The following TMEM131L variants were observed in gnomAD, a reference collection of about 807,000 sequenced individuals.
The protein encoded by TMEM131L is transmembrane protein 131-like.
In TMEM131L, 54 loss-of-function variants were observed where a neutral mutation model predicts 192.2. That is an observed-to-expected ratio of 0.28 (90% CI 0.23 to 0.35). TMEM131L has a LOEUF of 0.35. Among genes scored for constraint, TMEM131L ranks in the 10% least tolerant of loss-of-function variants. The pLI is 1.00. For synonymous variants in TMEM131L, 701 were observed against 704.9 expected (o/e 0.99, Z 0.09); for missense variants, 1,888 against 1,972.9 (o/e 0.96, Z 0.82).
chr4:153,521,888 ATGT>A (rs968703989), intron 3 of TMEM131L, among the ~76,000 whole-genome samples: 4 of 144,174 alleles, frequency 2.8e-5, no homozygotes, highest in Non-Finnish European at 4.5e-5. Context: ...TGTTAACATC[ATGT>A]TGTTATTACA....
chr4:153,633,108 A>G (rs542991347), intron 32 of TMEM131L: 339 of 303,802 alleles, frequency 1.1e-3, no homozygotes, highest in Admixed American at 2.5e-3. Context: ...CATATATTAG[A>G]GGCAGATTTG....
At chr4:153,536,097 T>G (rs1019369605) in intron 3 of TMEM131L, among the ~76,000 whole-genome samples, 4 of 152,172 alleles carry the variant, frequency 2.6e-5, no homozygotes, top group African/African-American at 9.7e-5. Flanking sequence ...CATACCGTGC[T>G]TTGTCTGGGG....
chr4:153,612,514 G>C (rs911366896), intron 26 of TMEM131L, 114 bp downstream of exon 26: 12 of 787,774 alleles, frequency 1.5e-5, no homozygotes, highest in African/African-American at 7.3e-5. Context: ...TTAATAACTG[G>C]TGAGTTTGAT....
Position 153,466,421 on chromosome 4 carries a change from GC to G in TMEM131L, c.27del (p.Gly10AlafsTer10). 7.2e-7 allele frequency: 1 copy of G among 1,383,012 alleles called. No individual in the cohort carries two copies. Among genetic ancestry groups the G allele is most frequent in the South Asian group, 1.6e-5 (1 of 62,710 alleles). 85.7% of individuals were successfully genotyped at this position (1,383,012 alleles called of 1,614,324 possible). On this transcript the variant is annotated frameshift_variant, in exon 1 of 35. Coordinates refer to ENST00000409959, the MANE Select transcript of TMEM131L (RefSeq NM_001131007.2). LOFTEE classifies it high-confidence loss of function. The part of the protein sequence containing the change: MAGLRRPQ[P>X]GCYCRTAAAV... ...GCATGGCGGGGCTCCGACGCCCGCA[GC>G]CCGGCTGCTACTGCCGCACCGCGGC...
intron 7 of TMEM131L, among the ~76,000 whole-genome samples, chr4:153,559,589 A>G (rs1164575524): frequency 6.6e-6 from 1 of 152,128 alleles, no homozygotes; most frequent in African/African-American, 2.4e-5. Context: ...GAGAGCTAGA[A>G]CAGCGTACCC....
chr4:153,486,588 CTG>C (rs1208953118), intron 3 of TMEM131L, among the ~76,000 whole-genome samples: 1 of 152,228 alleles, frequency 6.6e-6, no homozygotes, highest in African/African-American at 2.4e-5. Context: ...CTGTTGGACT[CTG>C]TGTGCCGTGC....
At chr4:153,526,188 C>T (rs1007234527) in intron 3 of TMEM131L, among the ~76,000 whole-genome samples, 2 of 152,098 alleles carry the variant, frequency 1.3e-5, no homozygotes, top group African/African-American at 4.8e-5. Context: ...GACTCCCAGG[C>T]GATGCGATGC....
intron 29 of TMEM131L, among the ~76,000 whole-genome samples, chr4:153,623,585 G>A (rs1733608800): frequency 6.6e-6 from 1 of 152,202 alleles, no homozygotes; most frequent in South Asian, 2.1e-4. Context: ...GCTATCTTAT[G>A]TAAGTGGAAT....
chr4:153,520,140 G>C (rs749137072), intron 3 of TMEM131L, among the ~76,000 whole-genome samples: 2 of 151,984 alleles, frequency 1.3e-5, no homozygotes, highest in Non-Finnish European at 2.9e-5. Flanking sequence ...TTAAGATTTG[G>C]AAGGAAGATT....
intron 3 of TMEM131L, among the ~76,000 whole-genome samples, chr4:153,502,384 C>T (rs1733679714): frequency 6.6e-6 from 1 of 152,154 alleles, no homozygotes; most frequent in Admixed American, 6.6e-5. Flanking sequence ...AGGAAAACAG[C>T]TACTGGGTTT....
intron 17 of TMEM131L, 42 bp from the exon 18 acceptor site, chr4:153,592,431 CTG>C (rs1174089904): frequency 7.7e-7 from 1 of 1,299,502 alleles, no homozygotes; most frequent in Non-Finnish European, 1.1e-6. Context: ...AGGAGGGATG[CTG>C]TGTCCCTCTC....
intron 3 of TMEM131L, among the ~76,000 whole-genome samples, chr4:153,526,194 G>A (rs575443423): frequency 3.3e-5 from 5 of 152,260 alleles, no homozygotes; most frequent in Non-Finnish European, 5.9e-5. Flanking sequence ...CAGGCGATGC[G>A]ATGCTGCTGG....
intron 7 of TMEM131L, among the ~76,000 whole-genome samples, chr4:153,578,521 A>ATTT (rs1730113828): frequency 1.5e-5 from 2 of 137,368 alleles, no homozygotes; most frequent in African/African-American, 5.6e-5. Flanking sequence ...ATGCCCAGCT[A>ATTT]GTTTTTTTTT....
chr4:153,583,452 G>C (rs1001649805), intron 10 of TMEM131L, 112 bp from the exon 11 acceptor site: 2 of 818,328 alleles, frequency 2.4e-6, no homozygotes, highest in Non-Finnish European at 4.2e-6. Context: ...CACAGATGCT[G>C]AGCAGTTGCT....
chr4:153,624,245 A>G (rs1733670153), intron 29 of TMEM131L, among the ~76,000 whole-genome samples: 2 of 151,754 alleles, frequency 1.3e-5, no homozygotes, highest in South Asian at 2.1e-4. Flanking sequence ...CAGCCTCCCA[A>G]GTAGCTGGGG....
At chr4:153,576,116 T>C (rs557292435) in intron 7 of TMEM131L, among the ~76,000 whole-genome samples, 3 of 152,136 alleles carry the variant, frequency 2.0e-5, no homozygotes, top group East Asian at 3.9e-4. Flanking sequence ...CCCGCCACCA[T>C]GCCCGGCTGA....
intron 31 of TMEM131L, 34 bp from the exon 32 acceptor site, chr4:153,632,684 A>G (rs1734292283): frequency 3.1e-6 from 5 of 1,613,462 alleles, no homozygotes; most frequent in Non-Finnish European, 4.2e-6. Flanking sequence ...CCAGGTGAGG[A>G]TAGGGTGGAC....
At chr4:153,513,548 A>G (rs1734504249) in intron 3 of TMEM131L, among the ~76,000 whole-genome samples, 2 of 152,194 alleles carry the variant, frequency 1.3e-5, no homozygotes, top group African/African-American at 4.8e-5. Context: ...AGAGCTGCAG[A>G]AGCTGTCATA....
At chr4:153,510,834 C>T (rs191260176) in intron 3 of TMEM131L, among the ~76,000 whole-genome samples, 40 of 151,850 alleles carry the variant, frequency 2.6e-4, no homozygotes, top group Non-Finnish European at 2.9e-5. Context: ...CTGCAGTGAG[C>T]CATGATCATG....
Sources: gnomAD v4.1 joint callset for allele counts (sites outside exome capture counted in the v4.1 genomes callset) on GRCh38, gnomAD v4.1.1 for gene constraint, MANE v1.5 for transcripts, NCBI Gene and HGNC (gene_info 2026-07-23, HGNC 2026-07-21) for gene names.